The following ITPRID2 variants were observed in gnomAD, a reference collection of about 807,000 sequenced individuals.
ITPRID2 encodes the protein protein ITPRID2.
ITPRID2 carries 60 observed loss-of-function variants against 124.3 expected under a neutral mutation model. The ratio of observed to expected loss-of-function variants is 0.48; its 90% CI spans 0.39 to 0.60. The LOEUF is 0.60. ITPRID2 is among the 20% of genes least tolerant of loss of function. The pLI, the probability that ITPRID2 is intolerant of heterozygous loss-of-function variation, is 0.00. For missense variants in ITPRID2, 1,553 were observed against 1,512.2 expected, an observed-to-expected ratio of 1.03 and a Z score of -0.45; for synonymous variants, 521 against 542.9, an observed-to-expected ratio of 0.96 and a Z score of 0.56.
Position 181,892,335 on chromosome 2 carries a change from C to T in ITPRID2, c.211+58C>T, listed in dbSNP as rs1192437528. On this transcript the variant is annotated intron_variant, in intron 1 of 17. Transcript: ENST00000431877. The surrounding 1 kb of genome is among the most constrained non-coding windows in gnomAD (Gnocchi z 5.2). ...CTGGTGGGCTGGGGAGAGTCTCGTG[C>T]GCCCTGGGCGCCTGCCACGAGTTCT... 1.4e-6 allele frequency: 2 copies of T among 1,470,616 alleles called. No homozygotes were observed. Among genetic ancestry groups the T allele is most frequent in the Non-Finnish European group, 1.8e-6 (2 of 1,105,650 alleles). 91.1% of individuals were successfully genotyped at this position (1,470,616 alleles called of 1,614,324 possible).
Position 181,928,154 on chromosome 2 carries a change from A to G in ITPRID2, c.3676-7A>G, listed in dbSNP as rs1231726413. The G allele has an allele frequency of 6.6e-7, 1 of 1,511,794 alleles. No homozygotes were observed. The highest frequency in any genetic ancestry group is 2.4e-5 in the Admixed American group (1 of 41,976). 93.6% of individuals were successfully genotyped at this position (1,511,794 alleles called of 1,614,324 possible). On this transcript the variant is annotated splice_region_variant and splice_polypyrimidine_tract_variant and intron_variant, in intron 16 of 17. Coordinates refer to ENST00000431877, the MANE Select transcript of ITPRID2 (RefSeq NM_001130445.3). ...TAAATTTTTGTTTTATTGTTTTTCC[A>G]ATCTAGATTAAAGAGTCTATTGTTG...
In ITPRID2 at chr2:181,910,264, G is replaced by A. The variant is rs1693494480; in HGVS notation, c.1486+293G>A. On this transcript the variant is annotated intron_variant, in intron 9 of 17. Coordinates refer to ENST00000431877, the MANE Select transcript of ITPRID2 (RefSeq NM_001130445.3). This position sits in a 1 kb window ranked among gnomAD's most constrained non-coding sequence, Gnocchi z 4.1. ...TAAGAGCTAGTTGGGAAGTGATAGA[G>A]CAATGGATTAAGACTACCTTTTACA... Among the ~76,000 whole-genome samples, 1 of 152,158 alleles carries A rather than the reference G, an allele frequency of 6.6e-6. No homozygotes were observed.
At chr2:181,894,948 G>A (rs1688392682) in intron 2 of ITPRID2, among the ~76,000 whole-genome samples, 1 of 152,012 alleles carries the variant, frequency 6.6e-6, no homozygotes, top group South Asian at 2.1e-4. Context: ...ATCAGGGAAG[G>A]ATGACTTTTT....
At position 181,902,439 on chromosome 2, in the gene ITPRID2, G is replaced by A. The variant is rs776960795; in HGVS notation, c.1386G>A (p.Gln462=). Residue 462 remains glutamine (Q), a synonymous_variant, in exon 8 of 18, where the codon CAG becomes CAA. Coordinates refer to ENST00000431877, the MANE Select transcript of ITPRID2 (RefSeq NM_001130445.3). This position sits in a 1 kb window ranked among gnomAD's most constrained non-coding sequence, Gnocchi z 4.4. ...CATCCATAAGAAATATAATGACACA[G>A]CAGAAGGACTCCTTCGAAATGGAAG... ...TIPSIRNIMT[Q]QKDSFEMEEV... is the part of the protein sequence containing the mutation. The A allele has an allele frequency of 6.3e-7, 1 of 1,579,974 alleles. No homozygotes were observed. The highest frequency in any genetic ancestry group is 1.8e-5 in the Admixed American group (1 of 54,486).
At chr2:181,929,486 C>T in intron 17 of ITPRID2, 75 bp from the exon 18 acceptor site, 2 of 964,916 alleles carry the variant, frequency 2.1e-6, no homozygotes, top group Non-Finnish European at 3.2e-6. Flanking sequence ...ATAAAATTCT[C>T]ATCTTCCTTT....
At position 181,918,795 on chromosome 2, in the gene ITPRID2, A is replaced by G. The variant is rs1474024550; in HGVS notation, c.2906A>G (p.Asn969Ser). The change falls in exon 13 of 18, where the codon AAT (asparagine) becomes AGT (serine). Residue 969 changes from asparagine (N) to serine (S), a missense_variant. Transcript: ENST00000431877. ...QELQVMRRSL[N>S]LFRTQMMDLE... ...CTCCAGGTAATGAGGCGGAGCCTGA[A>G]TTTGTTTAGAACACAAATGATGGAT... The G allele has an allele frequency of 6.2e-7, 1 of 1,614,200 alleles. No individual in the cohort carries two copies. Among genetic ancestry groups the G allele is most frequent in the Admixed American group, 1.7e-5 (1 of 60,032 alleles).
chr2:181,923,299 G>A (rs908232143), intron 16 of ITPRID2, among the ~76,000 whole-genome samples: 1 of 152,148 alleles, frequency 6.6e-6, no homozygotes, highest in Non-Finnish European at 1.5e-5. Flanking sequence ...TTGTACATAA[G>A]CAAATGTGAA....
chr2:181,904,253 A>G (rs1207917288), intron 8 of ITPRID2, among the ~76,000 whole-genome samples: 23 of 151,768 alleles, frequency 1.5e-4, no homozygotes, highest in Non-Finnish European at 2.9e-5. Context: ...AGGTTAATGA[A>G]GAAAGCAATG....
chr2:181,897,081 G>C (rs927633029), intron 4 of ITPRID2, 117 bp downstream of exon 4: 1 of 834,896 alleles, frequency 1.2e-6, no homozygotes, highest in African/African-American at 1.7e-5. Flanking sequence ...CTTGAAAATG[G>C]CTCAGGCATA....
In ITPRID2 at chr2:181,915,302, C is replaced by T. The variant is rs749100691; in HGVS notation, c.1662C>T (p.Ala554=). 1.2e-5 allele frequency: 19 copies of T among 1,613,998 alleles called. No homozygotes were observed. Among genetic ancestry groups the T allele is most frequent in the Non-Finnish European group, 1.5e-5 (18 of 1,180,032 alleles). The change falls in exon 11 of 18, where the codon GCC becomes GCT. Residue 554 remains alanine (A), a synonymous_variant. Transcript: ENST00000431877. Reference sequence around the variant, plus strand: ...TTACGTCACTTGGTGAAGACCTTGCCACACCAACAGCACAAGACCAGCCTT... The same window carrying T: ...TTACGTCACTTGGTGAAGACCTTGCTACACCAACAGCACAAGACCAGCCTT... The part of the protein sequence containing the change: ...TTVTSLGEDL[A]TPTAQDQPYF...
At chr2:181,915,179 T>C (rs1693930298) in intron 10 of ITPRID2, 37 bp from the exon 11 acceptor site, 1 of 1,586,784 alleles carries the variant, frequency 6.3e-7, no homozygotes. Flanking sequence ...TCTTCTTACA[T>C]ATATTCTTCA....
chr2:181,920,929 C>T (rs1694434009), intron 15 of ITPRID2, among the ~76,000 whole-genome samples: 2 of 152,140 alleles, frequency 1.3e-5, no homozygotes, highest in African/African-American at 4.8e-5. Flanking sequence ...CCTGTAATCC[C>T]AGCACTTTAT....
chr2:181,915,986 A>G lies in ITPRID2; in HGVS notation c.2346A>G (p.Glu782=). 6.2e-7 allele frequency: 1 copy of G among 1,614,166 alleles called. No homozygotes were observed. The highest frequency in any genetic ancestry group is 1.7e-5 in the Admixed American group (1 of 60,018). The change falls in exon 11 of 18, where the codon GAA becomes GAG. Residue 782 remains glutamate, a synonymous_variant. Transcript: ENST00000431877. ...AGTACACACCTGAAGAGGAGCAGGA[A>G]TTGGAAAAGCGGGTGATGGAACATG... ...TYKYTPEEEQ[E]LEKRVMEHDG... is the part of the protein sequence containing the mutation.
At chr2:181,920,185 C>T (rs990124881) in intron 14 of ITPRID2, among the ~76,000 whole-genome samples, 2 of 152,072 alleles carry the variant, frequency 1.3e-5, no homozygotes, top group African/African-American at 4.8e-5. Flanking sequence ...GATGAATATA[C>T]ACACATACAA....
chr2:181,913,113 G>C (rs112482320), intron 9 of ITPRID2, among the ~76,000 whole-genome samples: 1 of 151,632 alleles, frequency 6.6e-6, no homozygotes, highest in East Asian at 1.9e-4. Context: ...TGTCGCCCAG[G>C]CTGGAGTGCA....
At chr2:181,909,139 G>T (rs1374513460) in intron 8 of ITPRID2, among the ~76,000 whole-genome samples, 3 of 152,130 alleles carry the variant, frequency 2.0e-5, no homozygotes, top group African/African-American at 7.2e-5. Context: ...AGTTTGATAT[G>T]TTCTTTGAAC....
At position 181,896,397 on chromosome 2, in the gene ITPRID2, C is replaced by T. The variant is rs1261790072; in HGVS notation, c.307+318C>T. On this transcript the variant is annotated intron_variant, in intron 3 of 17. Transcript: ENST00000431877. The surrounding 1 kb of genome is among the most constrained non-coding windows in gnomAD (Gnocchi z 4.3). The stretch of plus-strand genomic sequence containing the variant: ...ATTGAGTGAACAAAAGTTTAGTCAA[C>T]TTTCGTGCAGCATTTCTTTGCTTAC... Among the ~76,000 whole-genome samples the T allele has an allele frequency of 6.6e-6, 1 of 151,944 alleles. No homozygotes were observed. The highest frequency in any genetic ancestry group is 1.9e-4 in the East Asian group (1 of 5,194).
At chr2:181,908,233 C>T (rs1202261776) in intron 8 of ITPRID2, among the ~76,000 whole-genome samples, 1 of 151,948 alleles carries the variant, frequency 6.6e-6, no homozygotes, top group African/African-American at 2.4e-5. Flanking sequence ...TACCCAGTCT[C>T]ATAACCCAGT....
rs779766645 is a variant in ITPRID2, at chr2:181,918,587, CT to C, written c.2788-5del. ...AACATTGGTTTTAATCCTACTTTTACTTTTTTGAAGTACCCTATGATGAGAG... is the reference window on the plus strand; with the variant it reads ...AACATTGGTTTTAATCCTACTTTTACTTTTTGAAGTACCCTATGATGAGAG... On this transcript the variant is annotated splice_polypyrimidine_tract_variant and intron_variant, in intron 11 of 17. Transcript: ENST00000431877. 1.1e-4 allele frequency: 181 copies of C among 1,612,940 alleles called. 1 individual carries two copies. The highest frequency in any genetic ancestry group is 4.7e-5 in the Non-Finnish European group (56 of 1,179,650).
Sources: gnomAD v4.1 joint callset for allele counts (sites outside exome capture counted in the v4.1 genomes callset) on GRCh38, gnomAD v4.1.1 for gene constraint, Gnocchi (gnomAD v3.1) non-coding constraint, MANE v1.5 for transcripts, NCBI Gene and HGNC (gene_info 2026-07-23, HGNC 2026-07-21) for gene names.